The following NRCAM variants were observed in gnomAD, a reference collection of about 807,000 sequenced individuals.
The protein encoded by NRCAM is NgCAM-related cell adhesion molecule.
In NRCAM, 83 loss-of-function variants were observed where a neutral mutation model predicts 156.5. That is an observed-to-expected ratio of 0.53 (90% CI 0.44 to 0.64). The LOEUF is 0.64. Among genes scored for constraint, NRCAM ranks in the 30% least tolerant of loss-of-function variants. NRCAM has a pLI of 0.00. For missense variants in NRCAM, 1,417 were observed against 1,597.3 expected, an observed-to-expected ratio of 0.89 and a Z score of 1.92; for synonymous variants, 538 against 563.9, an observed-to-expected ratio of 0.95 and a Z score of 0.65.
At chr7:108,215,960 T>C (rs1022354779) in intron 11 of NRCAM, among the ~76,000 whole-genome samples, 2 of 152,242 alleles carry the variant, frequency 1.3e-5, no homozygotes, top group African/African-American at 4.8e-5. Context: ...ATTATGATGC[T>C]AGCTGGTTAT....
chr7:108,362,096 T>C (rs1382476029), intron 2 of NRCAM, among the ~76,000 whole-genome samples: 1 of 152,224 alleles, frequency 6.6e-6, no homozygotes, highest in Non-Finnish European at 1.5e-5. Flanking sequence ...CAATCTGCTA[T>C]AGCAAAATAC....
intron 2 of NRCAM, among the ~76,000 whole-genome samples, chr7:108,316,429 T>C (rs553784638): frequency 6.6e-6 from 1 of 152,296 alleles, no homozygotes; most frequent in Admixed American, 6.5e-5. Context: ...CAAAACAGAC[T>C]GAGACATTCG....
chr7:108,358,712 T>C (rs2099525979), intron 2 of NRCAM, among the ~76,000 whole-genome samples: 1 of 152,124 alleles, frequency 6.6e-6, no homozygotes, highest in Non-Finnish European at 1.5e-5. Flanking sequence ...ACACTGTAAG[T>C]CACTCCCTCC....
chr7:108,430,884 C>T (rs1282193034), intron 1 of NRCAM, among the ~76,000 whole-genome samples: 2 of 152,134 alleles, frequency 1.3e-5, no homozygotes, highest in Non-Finnish European at 1.5e-5. Context: ...GCTGCTGAAA[C>T]TCCAGCACCC....
chr7:108,184,126 A>ATT (rs1181427308), intron 22 of NRCAM, 115 bp downstream of exon 22: 170 of 538,600 alleles, frequency 3.2e-4, no homozygotes, highest in Middle Eastern at 9.8e-4. Flanking sequence ...ATATATATAT[A>ATT]TATTTTTTTT....
At chr7:108,255,151 C>T (rs1329958795) in intron 3 of NRCAM, among the ~76,000 whole-genome samples, 1 of 121,506 alleles carries the variant, frequency 8.2e-6, no homozygotes, top group East Asian at 2.0e-4. Context: ...GAGTGAGCCT[C>T]TCCCTCTCCC....
chr7:108,334,843 T>C (rs1042434748), intron 2 of NRCAM, among the ~76,000 whole-genome samples: 1 of 152,180 alleles, frequency 6.6e-6, no homozygotes, highest in African/African-American at 2.4e-5. Flanking sequence ...AATAAAATGG[T>C]ATGCCCTGAT....
chr7:108,378,248 T>C (rs2099684655), intron 2 of NRCAM, among the ~76,000 whole-genome samples: 1 of 151,886 alleles, frequency 6.6e-6, no homozygotes, highest in Admixed American at 6.6e-5. Flanking sequence ...GCAAAGAGCA[T>C]GAAACTATGA....
intron 1 of NRCAM, among the ~76,000 whole-genome samples, chr7:108,454,422 T>C (rs982214790): frequency 6.6e-6 from 1 of 152,202 alleles, no homozygotes; most frequent in East Asian, 1.9e-4. Context: ...TTGGGAAAGT[T>C]ACTTGGTTTC....
intron 26 of NRCAM, among the ~76,000 whole-genome samples, chr7:108,177,376 C>T (rs1458258418): frequency 2.0e-5 from 3 of 152,130 alleles, no homozygotes; most frequent in African/African-American, 7.2e-5. Flanking sequence ...GTAATCCCAG[C>T]ACTTTGGGAG....
At chr7:108,209,156 C>T (rs573533695) in intron 12 of NRCAM, among the ~76,000 whole-genome samples, 47 of 152,266 alleles carry the variant, frequency 3.1e-4, no homozygotes, top group Admixed American at 4.6e-4. Flanking sequence ...CTAGTTATTA[C>T]TGTGGGATTC....
chr7:108,308,062 T>C (rs2098745095), intron 3 of NRCAM, among the ~76,000 whole-genome samples: 1 of 152,344 alleles, frequency 6.6e-6, no homozygotes, highest in East Asian at 1.9e-4. Flanking sequence ...GTTCAATAAA[T>C]GATGATTCTG....
intron 1 of NRCAM, among the ~76,000 whole-genome samples, chr7:108,422,071 T>C (rs572034018): frequency 6.6e-6 from 1 of 152,302 alleles, no homozygotes; most frequent in South Asian, 2.1e-4. Context: ...ATACATTTCA[T>C]TGATAACACC....
chr7:108,291,301 T>A (rs2098281576), intron 3 of NRCAM, among the ~76,000 whole-genome samples: 1 of 152,222 alleles, frequency 6.6e-6, no homozygotes, highest in African/African-American at 2.4e-5. Context: ...CAAAATGCAC[T>A]ATCTCAATGG....
At chr7:108,171,187 G>T (rs1463412403) in intron 28 of NRCAM, among the ~76,000 whole-genome samples, 7 of 152,114 alleles carry the variant, frequency 4.6e-5, no homozygotes, top group African/African-American at 1.7e-4. Flanking sequence ...CTTTCCCAAC[G>T]GACTGCTTCC....
intron 2 of NRCAM, among the ~76,000 whole-genome samples, chr7:108,339,499 TGAAATACTCAGG>T (rs1289884179): frequency 6.6e-6 from 1 of 152,156 alleles, no homozygotes; most frequent in East Asian, 1.9e-4. Context: ...TGGGTTGTCA[TGAAATACTCAGG>T]AATGCAGCCT....
Position 108,240,149 on chromosome 7 carries a change from T to G in NRCAM, c.-85A>C. ...TTTGTGAAACGTTGTGTGCAACGTT[T>G]AAGTAATTTTCATGCGGGAAACTGA... On this transcript the variant is annotated 5_prime_UTR_variant, in exon 4 of 33. An upstream open reading frame in the 5' UTR loses its in-frame stop. Coordinates refer to ENST00000379028, the MANE Select transcript of NRCAM (RefSeq NM_001037132.4). 1 of 865,262 alleles carries G rather than the reference T, an allele frequency of 1.2e-6. No homozygotes were observed. The highest frequency in any genetic ancestry group is 1.7e-5 in the African/African-American group (1 of 59,078). 53.6% of individuals were successfully genotyped at this position (865,262 alleles called of 1,614,324 possible).
At chr7:108,434,479 A>G (rs1374021474) in intron 1 of NRCAM, among the ~76,000 whole-genome samples, 1 of 152,060 alleles carries the variant, frequency 6.6e-6, no homozygotes, top group Non-Finnish European at 1.5e-5. Context: ...CCAGGGCCAC[A>G]CAAATGTGTA....
At chr7:108,176,927 T>C (rs1046942723) in intron 26 of NRCAM, among the ~76,000 whole-genome samples, 3 of 152,168 alleles carry the variant, frequency 2.0e-5, no homozygotes, top group Non-Finnish European at 4.4e-5. Flanking sequence ...GTTGTATTGT[T>C]AAATAACCCC....
Sources: allele counts gnomAD v4.1 joint callset (sites outside exome capture counted in the v4.1 genomes callset), GRCh38; gene constraint gnomAD v4.1.1; transcripts MANE v1.5; gene names NCBI Gene and HGNC (gene_info 2026-07-23, HGNC 2026-07-21).